CCDC149: variants seen among roughly 807,000 people sequenced by gnomAD.
CCDC149 encodes coiled-coil domain-containing protein 149.
Under a neutral mutation model 59.9 loss-of-function variants are expected in CCDC149, and 45 were observed. That is an observed-to-expected ratio of 0.75 (90% CI 0.59 to 0.96). The LOEUF (loss-of-function observed/expected upper bound fraction) is 0.96, where lower values mean the gene tolerates loss of function less well. Among genes scored for constraint, CCDC149 ranks in the 40% least tolerant of loss-of-function variants. CCDC149 has a pLI of 0.00. For missense variants in CCDC149, 584 were observed against 664.7 expected, an observed-to-expected ratio of 0.88 and a Z score of 1.33; for synonymous variants, 245 against 260.6, an observed-to-expected ratio of 0.94 and a Z score of 0.58.
In CCDC149 at chr4:24,808,259, C is replaced by G. The variant is rs1014353016; in HGVS notation, c.*130G>C. The G allele has an allele frequency of 9.7e-6, 7 of 721,294 alleles. No individual in the cohort carries two copies. The African/African-American group carries it at 1.2e-4, about 13-fold the overall frequency. The allele number at this position is 721,294 out of a possible 1,614,324, so 44.7% of individuals were successfully genotyped here. On this transcript the variant is annotated 3_prime_UTR_variant, in exon 13 of 13. Coordinates refer to ENST00000635206, the MANE Select transcript of CCDC149 (RefSeq NM_001330643.2). Reference sequence around the variant, plus strand: ...GAATATTCACAGTTTGCAACAGGATCAGTGCGTTTTCTCACTTGCAGACTC... The same window carrying G: ...GAATATTCACAGTTTGCAACAGGATGAGTGCGTTTTCTCACTTGCAGACTC...
chr4:24,907,866 G>A (rs537294210), intron 1 of CCDC149, among the ~76,000 whole-genome samples: 4 of 152,230 alleles, frequency 2.6e-5, no homozygotes, highest in African/African-American at 7.2e-5. Flanking sequence ...TCCTTGCCTC[G>A]TCCTAGTTTC....
intron 1 of CCDC149, among the ~76,000 whole-genome samples, chr4:24,939,859 GAAAC>G (rs1241483979): frequency 1.3e-5 from 2 of 152,192 alleles, no homozygotes; most frequent in African/African-American, 4.8e-5. Context: ...AGAATAAAAA[GAAAC>G]AAACAAAGCC....
chr4:24,897,403 A>G (rs1466183332), intron 1 of CCDC149, among the ~76,000 whole-genome samples: 1 of 152,208 alleles, frequency 6.6e-6, no homozygotes, highest in Non-Finnish European at 1.5e-5. Flanking sequence ...GTTTGGGCCA[A>G]CATGAGAGCT....
chr4:24,873,609 T>C, intron 3 of CCDC149, 72 bp downstream of exon 3: 1 of 1,014,886 alleles, frequency 9.9e-7, no homozygotes, highest in Non-Finnish European at 1.6e-6. Context: ...TCTCTACATT[T>C]TGAGATTCCC....
chr4:24,821,158 C>A, intron 10 of CCDC149, 71 bp from the exon 11 acceptor site: 1 of 796,602 alleles, frequency 1.3e-6, no homozygotes, highest in Non-Finnish European at 1.7e-6. Context: ...TGCACCTAGA[C>A]CAAACAAAAC....
At position 24,807,122 on chromosome 4, in the gene CCDC149, G is replaced by T. The variant is rs1714239393; in HGVS notation, c.*1267C>A. The T allele has an allele frequency of 6.6e-6, 1 of 152,188 alleles. No individual in the cohort carries two copies. Among genetic ancestry groups the T allele is most frequent in the South Asian group, 2.1e-4 (1 of 4,824 alleles). The allele number at this position is 152,188 out of a possible 1,614,324, so 9.4% of individuals were successfully genotyped here. Reference sequence around the variant, plus strand: ...AGCGCCTCTCAAAGGAGTGATTCTGGTTCTCAGAGGCATTCTGAGCTTTGG... The same window carrying T: ...AGCGCCTCTCAAAGGAGTGATTCTGTTTCTCAGAGGCATTCTGAGCTTTGG... On this transcript the variant is annotated 3_prime_UTR_variant, in exon 13 of 13. Coordinates refer to ENST00000635206, the MANE Select transcript of CCDC149 (RefSeq NM_001330643.2).
In CCDC149 at chr4:24,807,415, TTGG is replaced by T. The variant is rs1714272805; in HGVS notation, c.*971_*973del. The T allele has an allele frequency of 6.6e-6, 1 of 152,218 alleles. No homozygotes were observed. Among genetic ancestry groups the T allele is most frequent in the Non-Finnish European group, 1.5e-5 (1 of 68,062 alleles). 9.4% of individuals were successfully genotyped at this position (152,218 alleles called of 1,614,324 possible). ...GTTTCTGTCTTTAAGATTCCCGTACTTGGTGGCACAAATGAGGCAGCCTCAACA... is the reference window on the plus strand; with the variant it reads ...GTTTCTGTCTTTAAGATTCCCGTACTTGGCACAAATGAGGCAGCCTCAACA... On this transcript the variant is annotated 3_prime_UTR_variant, in exon 13 of 13. Transcript: ENST00000635206.
At chr4:24,863,245 T>C (rs1669733809) in intron 3 of CCDC149, among the ~76,000 whole-genome samples, 1 of 151,402 alleles carries the variant, frequency 6.6e-6, no homozygotes. Flanking sequence ...TGAGCCGAGA[T>C]CACACCACTG....
intron 1 of CCDC149, among the ~76,000 whole-genome samples, chr4:24,951,223 A>G (rs4521337): frequency 0.74 from 111,968 of 152,178 alleles, 41,487 homozygotes; most frequent in Non-Finnish European, 0.76. Flanking sequence ...AGATCTGCCT[A>G]CACCCAAGGA....
chr4:24,931,578 G>A (rs1722588092), intron 1 of CCDC149, among the ~76,000 whole-genome samples: 1 of 151,168 alleles, frequency 6.6e-6, no homozygotes, highest in African/African-American at 2.4e-5. Flanking sequence ...AGAGAAGAGA[G>A]GCCAAATGAG....
chr4:24,878,831 G>T (rs922427012), intron 1 of CCDC149, among the ~76,000 whole-genome samples: 3 of 152,236 alleles, frequency 2.0e-5, no homozygotes, highest in African/African-American at 7.2e-5. Context: ...GACTGTCAAA[G>T]TGGAAATTCA....
intron 1 of CCDC149, among the ~76,000 whole-genome samples, chr4:24,977,591 G>C (rs10004495): frequency 6.6e-6 from 1 of 152,004 alleles, no homozygotes; most frequent in Non-Finnish European, 1.5e-5. Context: ...AGATGATGTC[G>C]TGGACCCAAA....
chr4:24,949,443 G>A (rs967698364), intron 1 of CCDC149, among the ~76,000 whole-genome samples: 8 of 151,452 alleles, frequency 5.3e-5, no homozygotes, highest in Admixed American at 2.6e-4. Context: ...TGGCAGGGAG[G>A]GGGGGTGGTG....
At chr4:24,963,337 C>T (rs1723700298) in intron 1 of CCDC149, among the ~76,000 whole-genome samples, 1 of 152,080 alleles carries the variant, frequency 6.6e-6, no homozygotes, top group African/African-American at 2.4e-5. Flanking sequence ...ATCACCAAAG[C>T]CAGGGTAGTG....
At chr4:24,813,497 T>TATATATATATATATAC (rs1392296929) in intron 12 of CCDC149, among the ~76,000 whole-genome samples, 10 of 15,404 alleles carry the variant, frequency 6.5e-4, no homozygotes, top group African/African-American at 1.4e-3. Context: ...GGAATATATA[T>TATATATATATATATAC]ATATATATAT....
chr4:24,890,968 G>A (rs982443086), intron 1 of CCDC149, among the ~76,000 whole-genome samples: 1 of 152,306 alleles, frequency 6.6e-6, no homozygotes, highest in Non-Finnish European at 1.5e-5. Context: ...TCGCTAAAGG[G>A]CCACTTGGGC....
At chr4:24,969,735 G>A (rs2110456) in intron 1 of CCDC149, among the ~76,000 whole-genome samples, 1,709 of 152,300 alleles carry the variant, frequency 0.011, 35 homozygotes, top group African/African-American at 0.039. Flanking sequence ...GTATGGGGAC[G>A]AATGGTAACC....
At chr4:24,970,956 C>G (rs776465840) in intron 1 of CCDC149, among the ~76,000 whole-genome samples, 6 of 152,154 alleles carry the variant, frequency 3.9e-5, no homozygotes, top group Non-Finnish European at 8.8e-5. Context: ...ACCCGAGTGG[C>G]CCTCATCCTG....
chr4:24,874,240 A>ATTTTTTTTTTTTTTT (rs1560230340), intron 2 of CCDC149, among the ~76,000 whole-genome samples: 3 of 85,688 alleles, frequency 3.5e-5, no homozygotes, highest in Admixed American at 1.6e-4. Flanking sequence ...GTCCTATTAG[A>ATTTTTTTTTTTTTTT]TTTGTTTTTT....
Sources: gnomAD v4.1 joint callset for allele counts (sites outside exome capture counted in the v4.1 genomes callset) on GRCh38, gnomAD v4.1.1 for gene constraint, MANE v1.5 for transcripts, NCBI Gene and HGNC (gene_info 2026-07-23, HGNC 2026-07-21) for gene names.